Variants in CSMD3 observed in about 807,000 individuals in gnomAD.
CSMD3 encodes the protein CUB and Sushi multiple domains 3.
CSMD3 carries 177 observed loss-of-function variants against 435.2 expected under a neutral mutation model. That is an observed-to-expected ratio of 0.41 (90% confidence interval 0.36 to 0.46). The LOEUF (loss-of-function observed/expected upper bound fraction) is 0.46. Among genes scored for constraint, CSMD3 ranks in the 20% least tolerant of loss-of-function variants. The probability of loss-of-function intolerance (pLI) is 0.34; values close to 1 mark genes in which losing one functional copy is unlikely to be tolerated. For synonymous variants in CSMD3, 1,656 were observed against 1,520.5 expected (o/e 1.09, Z -2.07); for missense variants, 4,265 against 4,504.6 (o/e 0.95, Z 1.52).
At chr8:113,047,375 A>G (rs1034032964) in intron 5 of CSMD3, among the ~76,000 whole-genome samples, 1 of 152,226 alleles carries the variant, frequency 6.6e-6, no homozygotes, top group East Asian at 1.9e-4. Flanking sequence ...ATTTTGGAAT[A>G]AACTAATTCT....
intron 12 of CSMD3, among the ~76,000 whole-genome samples, chr8:112,824,027 T>C (rs921235167): frequency 6.6e-6 from 1 of 152,216 alleles, no homozygotes; most frequent in Non-Finnish European, 1.5e-5. Context: ...CATATATATT[T>C]AGGATAGTTA....
chr8:112,992,183 CTTTT>C (rs1355779317), intron 6 of CSMD3, among the ~76,000 whole-genome samples: 1 of 151,246 alleles, frequency 6.6e-6, no homozygotes, highest in African/African-American at 2.4e-5. Context: ...TTCCTTCCTT[CTTTT>C]TTCTTTCTTT....
chr8:112,688,004 G>A (rs1254946058), intron 14 of CSMD3, among the ~76,000 whole-genome samples: 1 of 152,078 alleles, frequency 6.6e-6, no homozygotes, highest in African/African-American at 2.4e-5. Context: ...TTCTGAAAAG[G>A]AGTAGGTAAT....
chr8:113,023,512 A>T (rs2086761506), intron 5 of CSMD3, among the ~76,000 whole-genome samples: 1 of 152,048 alleles, frequency 6.6e-6, no homozygotes, highest in Admixed American at 6.6e-5. Flanking sequence ...TCCATCATGA[A>T]TCTTCATGAA....
rs1563820913 is a variant in CSMD3, at chr8:112,346,668, C to CTTTT, written c.6326-456_6326-455insAAAA. Among the ~76,000 whole-genome samples the CTTTT allele has an allele frequency of 1.9e-4, 24 of 129,236 alleles. 1 individual carries two copies. The highest frequency in any genetic ancestry group is 7.7e-4 in the African/African-American group (23 of 29,994). The allele number at this position is 129,236 out of a possible 152,430, so 84.8% of individuals were successfully genotyped here. A position where few individuals can be genotyped will look rare whatever the true frequency, so the allele number is the denominator to read the frequency against. On this transcript the variant is annotated intron_variant, in intron 40 of 70. Transcript: ENST00000297405. ...CATTTTCACAGCCTTCCCTCCTTTT[C>CTTTT]CTTTTTTTTTTTTTTTTTTTTTTTT...
At chr8:112,989,046 C>T (rs753690491) in intron 6 of CSMD3, among the ~76,000 whole-genome samples, 1 of 151,888 alleles carries the variant, frequency 6.6e-6, no homozygotes, top group African/African-American at 2.4e-5. Flanking sequence ...AAGAATTTGT[C>T]GAGTGCTTAG....
intron 4 of CSMD3, among the ~76,000 whole-genome samples, chr8:113,121,703 A>T (rs1387084798): frequency 6.6e-6 from 1 of 152,138 alleles, no homozygotes. Flanking sequence ...TAGAAAAAAT[A>T]TTCTATCACA....
intron 10 of CSMD3, among the ~76,000 whole-genome samples, chr8:112,878,286 C>T (rs1054060396): frequency 2.0e-5 from 3 of 152,126 alleles, no homozygotes; most frequent in African/African-American, 7.2e-5. Context: ...CAAAAGAAGA[C>T]ATGTATGCAG....
At chr8:112,251,938 A>T (rs1046238280) in intron 63 of CSMD3, among the ~76,000 whole-genome samples, 17 of 151,930 alleles carry the variant, frequency 1.1e-4, no homozygotes, top group Non-Finnish European at 1.9e-4. Context: ...ATACAAAGAC[A>T]AATTATGTTG....
At chr8:112,829,139 T>A (rs948052911) in intron 12 of CSMD3, among the ~76,000 whole-genome samples, 1 of 152,184 alleles carries the variant, frequency 6.6e-6, no homozygotes, top group African/African-American at 2.4e-5. Flanking sequence ...CTGATACTAA[T>A]TTTTTTAACA....
At chr8:112,968,934 A>G (rs979961239) in intron 7 of CSMD3, among the ~76,000 whole-genome samples, 10 of 152,014 alleles carry the variant, frequency 6.6e-5, no homozygotes, top group Admixed American at 1.3e-4. Context: ...AGAAATTCAT[A>G]CTTTATAAAA....
At chr8:113,004,416 G>A (rs1587865763) in intron 6 of CSMD3, among the ~76,000 whole-genome samples, 2 of 152,040 alleles carry the variant, frequency 1.3e-5, no homozygotes, top group South Asian at 4.1e-4. Context: ...ACACACAAAG[G>A]TATATTAAAG....
chr8:113,099,372 T>C (rs2090265015), intron 4 of CSMD3, among the ~76,000 whole-genome samples: 1 of 151,996 alleles, frequency 6.6e-6, no homozygotes, highest in Admixed American at 6.6e-5. Flanking sequence ...TTTTTGGTTT[T>C]TCAATGCAAG....
chr8:113,172,699 G>A (rs1424898372), intron 4 of CSMD3, among the ~76,000 whole-genome samples: 2 of 152,186 alleles, frequency 1.3e-5, no homozygotes, highest in African/African-American at 4.8e-5. Flanking sequence ...CTAATTACCA[G>A]GAGGTTGTGG....
At chr8:113,317,822 T>C (rs1168824646) in intron 1 of CSMD3, among the ~76,000 whole-genome samples, 2 of 152,154 alleles carry the variant, frequency 1.3e-5, no homozygotes, top group Non-Finnish European at 2.9e-5. Flanking sequence ...ATGTCAGTCA[T>C]ATTATGCCTA....
At chr8:113,398,266 G>A (rs899300) in intron 1 of CSMD3, among the ~76,000 whole-genome samples, 1 of 152,138 alleles carries the variant, frequency 6.6e-6, no homozygotes, top group African/African-American at 2.4e-5. Flanking sequence ...TTCCCAAGTG[G>A]ATATCCAATT....
intron 4 of CSMD3, among the ~76,000 whole-genome samples, chr8:113,171,361 C>T (rs1356512710): frequency 6.6e-6 from 1 of 152,028 alleles, no homozygotes; most frequent in Non-Finnish European, 1.5e-5. Context: ...CAGAATAAGG[C>T]CTTTCTGATT....
At chr8:112,659,557 A>G (rs898297980) in intron 17 of CSMD3, among the ~76,000 whole-genome samples, 1 of 152,188 alleles carries the variant, frequency 6.6e-6, no homozygotes, top group African/African-American at 2.4e-5. Context: ...GATAGCATGC[A>G]TTCAGGGAGC....
In CSMD3 at chr8:112,869,359, C is replaced by G. The variant is rs185282903; in HGVS notation, c.1634-10093G>C. 5.5e-3 allele frequency among the ~76,000 whole-genome samples: 843 copies of G among 152,204 alleles called. 4 individuals carry two copies. The highest frequency in any genetic ancestry group is 0.019 in the African/African-American group (789 of 41,520). On this transcript the variant is annotated intron_variant, in intron 10 of 70. Coordinates refer to ENST00000297405, the MANE Select transcript of CSMD3 (RefSeq NM_198123.2). The stretch of plus-strand genomic sequence containing the variant: ...ATAAACTGAGAGTAAGCAGTTATAT[C>G]ACAGGAATCTATGACCCCAAAATAA...
Sources: allele counts gnomAD v4.1 joint callset (sites outside exome capture counted in the v4.1 genomes callset), GRCh38; gene constraint gnomAD v4.1.1; transcripts MANE v1.5; gene names NCBI Gene and HGNC (gene_info 2026-07-23, HGNC 2026-07-21).